PCDHA7: variants seen among roughly 807,000 people sequenced by gnomAD.
PCDHA7 encodes the protein protocadherin alpha-7.
Under a neutral mutation model 57.2 loss-of-function variants are expected in PCDHA7, and 37 were observed. The observed-to-expected ratio is 0.65, with a 90% CI of 0.50 to 0.85. The LOEUF (loss-of-function observed/expected upper bound fraction) is 0.85, where lower values mean the gene tolerates loss of function less well. Ranked by LOEUF, PCDHA7 falls within the 40% of genes least tolerant of loss-of-function variation. PCDHA7 has a pLI of 0.00. For synonymous variants in PCDHA7, 553 were observed against 558.8 expected (o/e 0.99, Z 0.15); for missense variants, 1,188 against 1,241.8 (o/e 0.96, Z 0.65).
intron 3 of PCDHA7, 65 bp downstream of exon 3, chr5:140,982,628 G>T: frequency 6.3e-7 from 1 of 1,578,118 alleles, no homozygotes; most frequent in Non-Finnish European, 8.6e-7. Flanking sequence ...ACCTACTTTT[G>T]TAAGATCAGG....
intron 1 of PCDHA7, among the ~76,000 whole-genome samples, chr5:140,924,726 C>T (rs1294650773): frequency 1.3e-5 from 2 of 151,796 alleles, no homozygotes; most frequent in African/African-American, 4.8e-5. Context: ...GAAACCTCAC[C>T]TCTAATAAAA....
intron 1 of PCDHA7, chr5:140,841,535 C>CG: frequency 6.2e-7 from 1 of 1,613,664 alleles, no homozygotes; most frequent in Non-Finnish European, 8.5e-7. Context: ...CAAAAGACAC[C>CG]GGGACCTTCT....
intron 1 of PCDHA7, among the ~76,000 whole-genome samples, chr5:140,893,506 A>G (rs2064024014): frequency 1.3e-5 from 2 of 152,170 alleles, no homozygotes; most frequent in African/African-American, 4.8e-5. Flanking sequence ...AGAAAAAAAA[A>G]GCAGTTGTAG....
At chr5:140,927,780 T>C (rs1189193877) in intron 1 of PCDHA7, 5 of 1,614,090 alleles carry the variant, frequency 3.1e-6, no homozygotes, top group African/African-American at 1.3e-5. Flanking sequence ...TGCAAGTAGC[T>C]GCTTCACTAG....
chr5:140,894,971 G>A (rs1231249838), intron 1 of PCDHA7, among the ~76,000 whole-genome samples: 1 of 152,010 alleles, frequency 6.6e-6, no homozygotes, highest in African/African-American at 2.4e-5. Context: ...ATTTTTTAAT[G>A]TCTTACTTTG....
intron 1 of PCDHA7, chr5:140,883,325 A>C: frequency 6.2e-7 from 1 of 1,614,118 alleles, no homozygotes; most frequent in Non-Finnish European, 8.5e-7. Context: ...GGTTACCATC[A>C]CTTCTTTGTC....
rs200722492 is a variant in PCDHA7, at chr5:140,856,425, A to T, written c.2355+19687A>T. ...GTGGACGTGGAAGTGAAGGACATTAACGACAACCCGCCCAGGTTCTCCGTA... is the reference window on the plus strand; with the variant it reads ...GTGGACGTGGAAGTGAAGGACATTATCGACAACCCGCCCAGGTTCTCCGTA... On this transcript the variant is annotated intron_variant, in intron 1 of 3. Transcript: ENST00000525929. The T allele has an allele frequency of 2.3e-5, 37 of 1,598,204 alleles. 1 individual carries two copies. The highest frequency in any genetic ancestry group is 1.9e-4 in the Admixed American group (11 of 59,214).
intron 1 of PCDHA7, among the ~76,000 whole-genome samples, chr5:140,872,003 A>C (rs1314439086): frequency 2.0e-5 from 3 of 152,202 alleles, no homozygotes; most frequent in Non-Finnish European, 2.9e-5. Context: ...GGCTATTTAC[A>C]GGTGACCTGT....
chr5:140,858,371 C>G, intron 1 of PCDHA7: 1 of 1,588,766 alleles, frequency 6.3e-7, no homozygotes, highest in Non-Finnish European at 8.6e-7. Context: ...CCCCAGCCTT[C>G]CACCATGCCC....
intron 3 of PCDHA7, among the ~76,000 whole-genome samples, chr5:141,008,045 CAG>C (rs1416741468): frequency 2.0e-5 from 3 of 151,924 alleles, no homozygotes; most frequent in South Asian, 2.1e-4. Context: ...CCTTTTGTAA[CAG>C]GGGTCCAGTC....
intron 1 of PCDHA7, chr5:140,883,655 T>C (rs782178754): frequency 6.2e-7 from 1 of 1,613,114 alleles, no homozygotes; most frequent in Non-Finnish European, 8.5e-7. Context: ...GTACACGGTG[T>C]TCGTGAAGGA....
chr5:140,882,651 A>T, intron 1 of PCDHA7: 1 of 1,614,206 alleles, frequency 6.2e-7, no homozygotes, highest in Non-Finnish European at 8.5e-7. Context: ...GACATTAACG[A>T]CAACCCGCCC....
intron 1 of PCDHA7, among the ~76,000 whole-genome samples, chr5:140,937,501 C>T (rs2091550832): frequency 6.6e-6 from 1 of 152,126 alleles, no homozygotes; most frequent in Admixed American, 6.5e-5. Context: ...CCCGTAATCC[C>T]AGCTACTCAG....
rs530428922 is a variant in PCDHA7, at chr5:140,875,375, A to G, written c.2355+38637A>G. On this transcript the variant is annotated intron_variant, in intron 1 of 3. Transcript: ENST00000525929. ...TGTGATGCTGGAAAAAATTTACTAA[A>G]TATGTACTTACAGAAAAGGGTGACT... 70 of 1,456,838 alleles carry G rather than the reference A, an allele frequency of 4.8e-5. No individual in the cohort carries two copies. The African/African-American group carries it at 9.9e-4, about 21-fold the overall frequency. The allele number at this position is 1,456,838 out of a possible 1,614,324, so 90.2% of individuals were successfully genotyped here. A position where few individuals can be genotyped will look rare whatever the true frequency, so the allele number is the denominator to read the frequency against.
chr5:140,856,130 G>A lies in PCDHA7; in HGVS notation c.2355+19392G>A. The stretch of plus-strand genomic sequence containing the variant: ...CCTCGCAGCCTGGGAGGTGGGGAGC[G>A]GCCAGCTCCACTACTCAGTCTACGA... On this transcript the variant is annotated intron_variant, in intron 1 of 3. Transcript: ENST00000525929. 7 of 1,598,068 alleles carry A rather than the reference G, an allele frequency of 4.4e-6. 1 individual carries two copies. The highest frequency in any genetic ancestry group is 6.0e-6 in the Non-Finnish European group (7 of 1,167,790).
intron 1 of PCDHA7, among the ~76,000 whole-genome samples, chr5:140,930,792 A>G (rs782797665): frequency 4.9e-4 from 74 of 152,228 alleles, no homozygotes; most frequent in Admixed American, 1.4e-3. Flanking sequence ...AATATAATAG[A>G]ATCCAGCATA....
At chr5:140,843,130 C>T (rs2150353538) in intron 1 of PCDHA7, 5 of 1,596,012 alleles carry the variant, frequency 3.1e-6, no homozygotes, top group Non-Finnish European at 4.3e-6. Flanking sequence ...ACTCGGGCTA[C>T]AACGCGTGGC....
intron 1 of PCDHA7, chr5:140,848,396 G>A: frequency 7.8e-7 from 1 of 1,284,596 alleles, no homozygotes; most frequent in Non-Finnish European, 1.1e-6. Flanking sequence ...TCTCTGTGCT[G>A]AACGATGGCG....
intron 1 of PCDHA7, among the ~76,000 whole-genome samples, chr5:140,846,706 T>C (rs1780634122): frequency 6.7e-6 from 1 of 149,360 alleles, no homozygotes. Context: ...GAGAAGATTG[T>C]AATAACCAGT....
Sources: allele counts gnomAD v4.1 joint callset (sites outside exome capture counted in the v4.1 genomes callset), GRCh38; gene constraint gnomAD v4.1.1; transcripts MANE v1.5; gene names NCBI Gene and HGNC (gene_info 2026-07-23, HGNC 2026-07-21).